The following TP63 variants were observed in gnomAD, a reference collection of about 807,000 sequenced individuals.
TP63 encodes tumor protein 63.
Under a neutral mutation model 82.8 loss-of-function variants are expected in TP63, and 17 were observed. That is an observed-to-expected ratio of 0.21 (90% CI 0.14 to 0.31). The LOEUF is 0.31. TP63 is among the 10% of genes least tolerant of loss of function. The pLI, the probability that TP63 is intolerant of heterozygous loss-of-function variation, is 1.00. For missense variants in TP63, 648 were observed against 895.3 expected, an observed-to-expected ratio of 0.72 and a Z score of 3.52; for synonymous variants, 330 against 321.7, an observed-to-expected ratio of 1.03 and a Z score of -0.28.
chr3:189,716,774 T>G (rs1416349109), intron 1 of TP63, among the ~76,000 whole-genome samples: 1 of 152,100 alleles, frequency 6.6e-6, no homozygotes, highest in African/African-American at 2.4e-5. Flanking sequence ...TTTCTTCTCC[T>G]AGGAAGAGCT....
chr3:189,781,573 T>C (rs1724238042), intron 3 of TP63, among the ~76,000 whole-genome samples: 1 of 150,614 alleles, frequency 6.6e-6, no homozygotes, highest in Admixed American at 6.7e-5. Context: ...CCAAAGTAAA[T>C]ACACCTCCTT....
At chr3:189,647,011 G>A (rs1330296090) in intron 1 of TP63, among the ~76,000 whole-genome samples, 1 of 147,072 alleles carries the variant, frequency 6.8e-6, no homozygotes, top group Admixed American at 6.7e-5. Context: ...CGTCAGGCTG[G>A]GTAACTAATG....
chr3:189,877,193 A>C (rs1719332298), intron 10 of TP63, among the ~76,000 whole-genome samples: 1 of 152,206 alleles, frequency 6.6e-6, no homozygotes, highest in Admixed American at 6.5e-5. Flanking sequence ...TATATTACGA[A>C]GAAATGTGAT....
chr3:189,680,749 G>A (rs1169892267), intron 1 of TP63, among the ~76,000 whole-genome samples: 2 of 152,178 alleles, frequency 1.3e-5, no homozygotes, highest in African/African-American at 2.4e-5. Context: ...TGGTGACTGG[G>A]TATGCTGACA....
intron 1 of TP63, among the ~76,000 whole-genome samples, chr3:189,692,890 G>C (rs1274979188): frequency 6.6e-6 from 1 of 152,180 alleles, no homozygotes; most frequent in Non-Finnish European, 1.5e-5. Flanking sequence ...TGTGGAGCCA[G>C]CCAGTAGCAA....
chr3:189,731,180 C>T (rs576200194), intron 1 of TP63, among the ~76,000 whole-genome samples: 19 of 152,114 alleles, frequency 1.2e-4, no homozygotes, highest in Admixed American at 2.6e-4. Flanking sequence ...CCCATCTCTA[C>T]GAAAAATACA....
At chr3:189,889,203 T>C (rs1720763679) in intron 11 of TP63, 137 bp from the exon 12 acceptor site, 1 of 1,221,076 alleles carries the variant, frequency 8.2e-7, no homozygotes, top group Non-Finnish European at 1.2e-6. Context: ...TTTGAAGGGG[T>C]GTAGTGAGAG....
the TP63 span, among the ~76,000 whole-genome samples, chr3:189,610,509 CCAA>C: frequency 6.6e-6 from 1 of 152,194 alleles, no homozygotes; most frequent in African/African-American, 2.4e-5. Context: ...GCTTCAGTTC[CCAA>C]CAAGTTCCTC....
intron 1 of TP63, among the ~76,000 whole-genome samples, chr3:189,691,356 A>G (rs7640513): frequency 0.041 from 5,634 of 137,076 alleles, 202 homozygotes; most frequent in Admixed American, 0.11. Context: ...AAAAAAAAAA[A>G]AAAAGAAAAA....
chr3:189,720,590 C>T lies in TP63; in HGVS notation c.63-17150C>T, dbSNP rs546019612. On this transcript the variant is annotated intron_variant, in intron 1 of 13. Transcript: ENST00000264731. ...TCTCTACGAAAAATACAAAATTAGCCGGGCGTGGTGGCACATGCCTGTAAT... is the reference window on the plus strand; with the variant it reads ...TCTCTACGAAAAATACAAAATTAGCTGGGCGTGGTGGCACATGCCTGTAAT... Among the ~76,000 whole-genome samples the T allele has an allele frequency of 1.1e-4, 17 of 151,902 alleles. No homozygotes were observed. In the South Asian group the frequency reaches 2.9e-3, roughly 26 times the overall value.
chr3:189,886,532 T>A lies in TP63; in HGVS notation c.1488T>A (p.Pro496=), dbSNP rs1720464656. 6.2e-7 allele frequency: 1 copy of A among 1,614,072 alleles called. No individual in the cohort carries two copies. Among genetic ancestry groups the A allele is most frequent in the East Asian group, 2.2e-5 (1 of 44,852 alleles). Residue 496 remains proline (P), a synonymous_variant, in exon 11 of 14, where the codon CCT becomes CCA. Transcript: ENST00000264731. ...ACGCCCTCACTCCTACAACCATTCC[T>A]GATGGCATGGGAGCCAACAGTAAGA... is the stretch of plus-strand genomic sequence containing the variant. ...QRNALTPTTI[P]DGMGANIPMM... is the part of the protein sequence containing the mutation.
chr3:189,710,590 C>T (rs968981799), intron 1 of TP63, among the ~76,000 whole-genome samples: 4 of 152,004 alleles, frequency 2.6e-5, no homozygotes, highest in Admixed American at 6.6e-5. Flanking sequence ...AGTTCCTGGA[C>T]TCACAAAAAT....
chr3:189,705,501 C>T (rs1486684960), intron 1 of TP63, among the ~76,000 whole-genome samples: 2 of 150,840 alleles, frequency 1.3e-5, no homozygotes, highest in Non-Finnish European at 2.9e-5. Context: ...ATTATTTAGC[C>T]TGTGGTTGGT....
intron 4 of TP63, among the ~76,000 whole-genome samples, chr3:189,850,515 A>G (rs1250130330): frequency 1.3e-5 from 2 of 152,176 alleles, no homozygotes; most frequent in African/African-American, 4.8e-5. Flanking sequence ...AACATGGATA[A>G]ATCTGGGAAG....
intron 3 of TP63, among the ~76,000 whole-genome samples, chr3:189,779,932 A>C (rs759762695): frequency 6.6e-6 from 1 of 152,234 alleles, no homozygotes; most frequent in African/African-American, 2.4e-5. Flanking sequence ...TCAAGCTTCT[A>C]TTTCAGTGTG....
chr3:189,811,854 G>A (rs1560208595), intron 4 of TP63, among the ~76,000 whole-genome samples: 1 of 152,204 alleles, frequency 6.6e-6, no homozygotes, highest in Non-Finnish European at 1.5e-5. Context: ...CCAGGGAGGG[G>A]CATACAGGAG....
In TP63 at chr3:189,749,741, T is replaced by C. The variant is rs536653425; in HGVS notation, c.324+10967T>C. Among the ~76,000 whole-genome samples, 53 of 152,332 alleles carry C rather than the reference T, an allele frequency of 3.5e-4. 1 individual carries two copies. The South Asian group carries it at 0.01, about 29-fold the overall frequency. On this transcript the variant is annotated intron_variant, in intron 3 of 13. Coordinates refer to ENST00000264731, the MANE Select transcript of TP63 (RefSeq NM_003722.5). ...AAGGATACATGCACTTGCATGTTTA[T>C]TGCAATATTATTCACCTATGTGTCC...
chr3:189,621,477 T>C, the TP63 span, among the ~76,000 whole-genome samples: 1 of 151,952 alleles, frequency 6.6e-6, no homozygotes, highest in Non-Finnish European at 1.5e-5. Flanking sequence ...TGCATACTTA[T>C]ATACATATTT....
At chr3:189,865,352 T>C (rs1053464826) in intron 5 of TP63, among the ~76,000 whole-genome samples, 1 of 152,114 alleles carries the variant, frequency 6.6e-6, no homozygotes. Context: ...CATGAATAAG[T>C]CATGCCTCAT....
Sources: allele counts gnomAD v4.1 joint callset (sites outside exome capture counted in the v4.1 genomes callset), GRCh38; gene constraint gnomAD v4.1.1; transcripts MANE v1.5; gene names NCBI Gene and HGNC (gene_info 2026-07-23, HGNC 2026-07-21).